Variants in C6 observed in about 807,000 individuals in gnomAD.
The protein encoded by C6 is complement component C6.
In C6, 101 loss-of-function variants were observed where a neutral mutation model predicts 112.9. The ratio of observed to expected loss-of-function variants is 0.89; its 90% CI spans 0.76 to 1.06. The LOEUF (loss-of-function observed/expected upper bound fraction) is 1.06, where lower values mean the gene tolerates loss of function less well. C6 is among the 50% of genes least tolerant of loss of function. The pLI is 0.00. For synonymous variants in C6, 431 were observed against 384.1 expected (o/e 1.12, Z -1.43); for missense variants, 1,202 against 1,104.6 (o/e 1.09, Z -1.25).
At chr5:41,162,187 G>A (rs775629324) in intron 9 of C6, among the ~76,000 whole-genome samples, 1 of 152,124 alleles carries the variant, frequency 6.6e-6, no homozygotes, top group Non-Finnish European at 1.5e-5. Flanking sequence ...AATTTGTCCT[G>A]GAACACATGG....
At chr5:41,253,563 T>A (rs982539608) in intron 1 of C6, among the ~76,000 whole-genome samples, 1 of 152,176 alleles carries the variant, frequency 6.6e-6, no homozygotes, top group Non-Finnish European at 1.5e-5. Flanking sequence ...CTAGGGCAAT[T>A]GTAGGACCCA....
At chr5:41,222,893 G>A (rs1739267486) in intron 1 of C6, among the ~76,000 whole-genome samples, 1 of 152,034 alleles carries the variant, frequency 6.6e-6, no homozygotes, top group Non-Finnish European at 1.5e-5. Context: ...AATTCATTTA[G>A]CCTTTTAAAT....
chr5:41,204,936 T>C (rs1751318147), intron 1 of C6, among the ~76,000 whole-genome samples: 1 of 152,136 alleles, frequency 6.6e-6, no homozygotes, highest in Non-Finnish European at 1.5e-5. Context: ...CCCAAAGTGC[T>C]GGGATTATCA....
At chr5:41,193,560 C>T (rs1307874286) in intron 5 of C6, among the ~76,000 whole-genome samples, 3 of 151,950 alleles carry the variant, frequency 2.0e-5, no homozygotes, top group Non-Finnish European at 4.4e-5. Context: ...TGTGTGTGAT[C>T]CCTACTCACA....
In C6 at chr5:41,229,356, A is replaced by T. The variant is rs187634850; in HGVS notation, c.-20-26106T>A. 2.7e-5 allele frequency among the ~76,000 whole-genome samples: 4 copies of T among 149,920 alleles called. No homozygotes were observed. In the East Asian group the frequency reaches 7.8e-4, roughly 29 times the overall value. On this transcript the variant is annotated intron_variant, in intron 1 of 17. Coordinates refer to the C6 transcript ENST00000263413. The stretch of plus-strand genomic sequence containing the variant: ...AACTTTTTTTTTTTTTGCTGCATCC[A>T]TAAGTTTCAGTAAGTTATGTTACCA...
intron 1 of C6, among the ~76,000 whole-genome samples, chr5:41,247,928 T>C (rs1741122782): frequency 6.6e-6 from 1 of 152,092 alleles, no homozygotes; most frequent in East Asian, 1.9e-4. Flanking sequence ...CAACTTCAGA[T>C]TATACTATAA....
chr5:41,260,844 TC>T (rs1365801323), intron 1 of C6, among the ~76,000 whole-genome samples: 1 of 150,526 alleles, frequency 6.6e-6, no homozygotes, highest in African/African-American at 2.4e-5. Flanking sequence ...AACACACCAG[TC>T]CTATAGATGG....
intron 1 of C6, 124 bp from the exon 2 acceptor site, chr5:41,203,374 G>T: frequency 1.1e-6 from 1 of 944,352 alleles, no homozygotes; most frequent in Non-Finnish European, 1.6e-6. Flanking sequence ...CCTTCCTTAA[G>T]GCAAGTCAAC....
intron 1 of C6, among the ~76,000 whole-genome samples, chr5:41,228,569 A>G (rs1739675578): frequency 6.6e-6 from 1 of 152,150 alleles, no homozygotes; most frequent in Non-Finnish European, 1.5e-5. Flanking sequence ...TTCACTGTTG[A>G]GTATGATTTT....
Position 41,226,905 on chromosome 5 carries a change from C to T in C6, c.-20-23655G>A, listed in dbSNP as rs149879422. ...CATATCTTGGTTATTGTAAATAATG[C>T]CACAGTGAACATAAGAGTACAGATA... is the stretch of plus-strand genomic sequence containing the variant. On this transcript the variant is annotated intron_variant, in intron 1 of 17. Coordinates refer to the C6 transcript ENST00000263413. Among the ~76,000 whole-genome samples, 578 of 152,184 alleles carry T rather than the reference C, an allele frequency of 3.8e-3. 3 individuals are homozygous for T. The highest frequency in any genetic ancestry group is 5.9e-3 in the Non-Finnish European group (404 of 68,004).
At chr5:41,191,810 A>C (rs756600278) in intron 5 of C6, among the ~76,000 whole-genome samples, 7 of 144,296 alleles carry the variant, frequency 4.9e-5, no homozygotes, top group African/African-American at 7.8e-5. Flanking sequence ...TTTTTGGTGG[A>C]GTCTTTAGTG....
chr5:41,243,842 A>G (rs1050509075), intron 1 of C6, among the ~76,000 whole-genome samples: 3 of 152,062 alleles, frequency 2.0e-5, no homozygotes, highest in African/African-American at 7.2e-5. Context: ...GAGGTGGTAG[A>G]AAAATATTCT....
intron 1 of C6, among the ~76,000 whole-genome samples, chr5:41,229,601 A>G (rs1318712622): frequency 2.6e-5 from 4 of 151,974 alleles, no homozygotes; most frequent in African/African-American, 9.7e-5. Flanking sequence ...CTAACATGTG[A>G]TCTATTCTCA....
At chr5:41,184,421 T>C (rs1749604968) in intron 6 of C6, among the ~76,000 whole-genome samples, 1 of 152,208 alleles carries the variant, frequency 6.6e-6, no homozygotes, top group African/African-American at 2.4e-5. Context: ...ATTTATTTGC[T>C]GTATAACTCT....
At chr5:41,223,181 A>T (rs1739283287) in intron 1 of C6, among the ~76,000 whole-genome samples, 1 of 152,190 alleles carries the variant, frequency 6.6e-6, no homozygotes, top group African/African-American at 2.4e-5. Flanking sequence ...AGAGATTAAC[A>T]GGTATTGTTA....
At chr5:41,200,012 A>G (rs1227986734) in intron 3 of C6, 100 bp from the exon 4 acceptor site, 7 of 1,049,226 alleles carry the variant, frequency 6.7e-6, no homozygotes, top group Admixed American at 3.8e-5. Context: ...GATTTTTCCT[A>G]TGGTAATATT....
At chr5:41,232,244 G>A (rs113389573) in intron 1 of C6, among the ~76,000 whole-genome samples, 71 of 152,106 alleles carry the variant, frequency 4.7e-4, no homozygotes, top group African/African-American at 1.6e-3. Flanking sequence ...CCCCCTCTGC[G>A]TATCCCTTGA....
At chr5:41,213,702 CATAGA>C, upstream of C6, 2 of 195,522 alleles carry the variant, frequency 1.0e-5, no homozygotes, top group Non-Finnish European at 1.9e-5. Flanking sequence ...ATTGCTACTG[CATAGA>C]AATCTCTCTT....
intron 13 of C6, 28 bp downstream of exon 13, chr5:41,158,646 A>G: frequency 7.5e-7 from 1 of 1,324,864 alleles, no homozygotes; most frequent in Non-Finnish European, 1.1e-6. Flanking sequence ...TAAAACTACA[A>G]ACCAAAAGTG....
Sources: allele counts gnomAD v4.1 joint callset (sites outside exome capture counted in the v4.1 genomes callset), GRCh38; gene constraint gnomAD v4.1.1; transcripts MANE v1.5; gene names NCBI Gene and HGNC (gene_info 2026-07-23, HGNC 2026-07-21).